Variants in PTPRD observed in about 807,000 individuals in gnomAD.
The protein encoded by PTPRD is protein tyrosine phosphatase receptor type D, also known as receptor-type tyrosine-protein phosphatase delta.
In PTPRD, 34 loss-of-function variants were observed where a neutral mutation model predicts 214.5. That is an observed-to-expected ratio of 0.16 (90% CI 0.12 to 0.21). PTPRD has a LOEUF of 0.21. Ranked by LOEUF, PTPRD falls within the 10% of genes least tolerant of loss-of-function variation. The probability of loss-of-function intolerance (pLI) is 1.00; values close to 1 mark genes in which losing one functional copy is unlikely to be tolerated. For missense variants in PTPRD, 2,545 were observed against 2,398.7 expected (o/e 1.06, Z -1.27); for synonymous variants, 1,128 against 845.7 (o/e 1.33, Z -5.79).
chr9:10,519,257 CAAAAAAAAA>C (rs35808416), intron 2 of PTPRD, among the ~76,000 whole-genome samples: 1 of 71,464 alleles, frequency 1.4e-5, no homozygotes, highest in African/African-American at 5.8e-5. Flanking sequence ...ATTTCCTCCA[CAAAAAAAAA>C]AAAAAAAAAA....
chr9:10,279,105 T>G (rs953438743), intron 3 of PTPRD, among the ~76,000 whole-genome samples: 6 of 152,080 alleles, frequency 3.9e-5, no homozygotes, highest in African/African-American at 1.4e-4. Flanking sequence ...AACGGAACTC[T>G]GCCTCAATCC....
intron 9 of PTPRD, among the ~76,000 whole-genome samples, chr9:9,294,741 A>T (rs1351926297): frequency 6.6e-6 from 1 of 151,688 alleles, no homozygotes; most frequent in Non-Finnish European, 1.5e-5. Context: ...CAGAAATATG[A>T]CAAAATGAAT....
chr9:9,548,235 T>C (rs1318979958), intron 8 of PTPRD, among the ~76,000 whole-genome samples: 2 of 151,322 alleles, frequency 1.3e-5, no homozygotes, highest in Non-Finnish European at 2.9e-5. Context: ...TAAAAGTGAC[T>C]AATAGAAGAT....
Position 10,107,205 on chromosome 9 carries a change from C to T in PTPRD, c.-544-73415G>A, listed in dbSNP as rs80160381. On this transcript the variant is annotated intron_variant, in intron 3 of 45. Coordinates refer to ENST00000381196, the MANE Select transcript of PTPRD (RefSeq NM_002839.4). ...CAGATGGAAACGGTAAATGAAATAC[C>T]GGTCAGAGATGGATATGCACACACA... Among the ~76,000 whole-genome samples, 1,073 of 151,872 alleles carry T rather than the reference C, an allele frequency of 7.1e-3. 10 individuals carry two copies. Among genetic ancestry groups the T allele is most frequent in the African/African-American group, 0.025 (1,017 of 41,456 alleles).
intron 3 of PTPRD, among the ~76,000 whole-genome samples, chr9:10,064,134 C>G (rs1214128880): frequency 6.6e-6 from 1 of 151,120 alleles, no homozygotes; most frequent in South Asian, 2.1e-4. Context: ...TTTTTTTTCA[C>G]TTTTTCTGTC....
rs556306818 is a variant in PTPRD, at chr9:10,237,396, GT to G, written c.-545+103566del. 2.6e-5 allele frequency among the ~76,000 whole-genome samples: 4 copies of G among 151,850 alleles called. No individual in the cohort carries two copies. In the South Asian group the frequency reaches 8.3e-4, roughly 32 times the overall value. On this transcript the variant is annotated intron_variant, in intron 3 of 45. Transcript: ENST00000381196. ...GATAAGTGTGCATTTTTCAAGTCTG[GT>G]AGTTCTTCATTAACCCTAGGGAAGT...
intron 10 of PTPRD, among the ~76,000 whole-genome samples, chr9:9,172,508 T>A (rs1004776652): frequency 6.6e-6 from 1 of 152,168 alleles, no homozygotes; most frequent in East Asian, 1.9e-4. Flanking sequence ...TTAAGCAGCA[T>A]TATCTCGGGC....
chr9:9,544,536 G>T (rs977333002), intron 8 of PTPRD, among the ~76,000 whole-genome samples: 1 of 151,548 alleles, frequency 6.6e-6, no homozygotes, highest in Non-Finnish European at 1.5e-5. Flanking sequence ...AGCAGTTTGA[G>T]AACATCTCTC....
At chr9:9,257,122 C>A (rs1007102688) in intron 9 of PTPRD, among the ~76,000 whole-genome samples, 1 of 151,940 alleles carries the variant, frequency 6.6e-6, no homozygotes, top group East Asian at 2.0e-4. Context: ...ACTGAAAGGG[C>A]ACCTAGAGAT....
chr9:9,015,616 T>C (rs2099531587), intron 11 of PTPRD, among the ~76,000 whole-genome samples: 1 of 152,200 alleles, frequency 6.6e-6, no homozygotes, highest in Non-Finnish European at 1.5e-5. Context: ...GTTTTCACTT[T>C]ACTCTATGGA....
chr9:9,040,472 A>G lies in PTPRD; in HGVS notation c.-142-21737T>C, dbSNP rs142597525. On this transcript the variant is annotated intron_variant, in intron 10 of 45. Transcript: ENST00000381196. ...TTTAAAACAAATTCTGCACATTTATATTGGAGTGTAGAATCTTAGCCAACT... is the reference window on the plus strand; with the variant it reads ...TTTAAAACAAATTCTGCACATTTATGTTGGAGTGTAGAATCTTAGCCAACT... 1.6e-3 allele frequency among the ~76,000 whole-genome samples: 239 copies of G among 152,288 alleles called. 1 individual carries two copies. In the Middle Eastern group the frequency reaches 0.017, roughly 11 times the overall value.
rs560713423 is a variant in PTPRD at position 9,810,505 on chromosome 9, G to T, written c.-367-43654C>A. Among the ~76,000 whole-genome samples the T allele has an allele frequency of 3.3e-5, 5 of 151,770 alleles. No homozygotes were observed. In the East Asian group the frequency reaches 7.8e-4, roughly 24 times the overall value. On this transcript the variant is annotated intron_variant, in intron 5 of 45. Coordinates refer to ENST00000381196, the MANE Select transcript of PTPRD (RefSeq NM_002839.4). ...TTAATAATTATGTTAAATCTACTCT[G>T]TCGGTGCTCTAGAAATAAAACAACA... is the stretch of plus-strand genomic sequence containing the variant.
intron 9 of PTPRD, among the ~76,000 whole-genome samples, chr9:9,245,027 C>G (rs1282391940): frequency 6.6e-6 from 1 of 152,086 alleles, no homozygotes; most frequent in Non-Finnish European, 1.5e-5. Context: ...CCAACAGATA[C>G]AAGAAAAAAT....
At chr9:8,598,476 A>G (rs1219615520) in intron 14 of PTPRD, among the ~76,000 whole-genome samples, 1 of 152,062 alleles carries the variant, frequency 6.6e-6, no homozygotes, top group Non-Finnish European at 1.5e-5. Context: ...TAAAATAAAT[A>G]AATAAATAAA....
intron 33 of PTPRD, among the ~76,000 whole-genome samples, chr9:8,454,235 A>G (rs2096084576): frequency 6.6e-6 from 1 of 152,220 alleles, no homozygotes; most frequent in Non-Finnish European, 1.5e-5. Flanking sequence ...AAACAAAACA[A>G]AACAAAACAG....
chr9:9,414,685 T>A (rs2076494813), intron 8 of PTPRD: 1 of 152,148 alleles, frequency 6.6e-6, no homozygotes, highest in African/African-American at 2.4e-5. Flanking sequence ...ACAGGACAAT[T>A]TACCCTCAAG....
At chr9:8,947,368 C>G (rs954893494) in intron 11 of PTPRD, among the ~76,000 whole-genome samples, 5 of 148,016 alleles carry the variant, frequency 3.4e-5, no homozygotes, top group African/African-American at 1.2e-4. Flanking sequence ...GAGACTGAGG[C>G]AGGAGAATCT....
chr9:8,858,417 C>T (rs2098002933), intron 11 of PTPRD: 1 of 152,270 alleles, frequency 6.6e-6, no homozygotes, highest in South Asian at 2.1e-4. Flanking sequence ...GGTGGGGTGG[C>T]CGGTGCAGCC....
At chr9:10,482,495 C>T (rs1000561418) in intron 2 of PTPRD, among the ~76,000 whole-genome samples, 8 of 128,598 alleles carry the variant, frequency 6.2e-5, no homozygotes, top group African/African-American at 2.3e-4. Flanking sequence ...ATCTATTTGC[C>T]AATGATATGA....
Sources: gnomAD v4.1 joint callset for allele counts (sites outside exome capture counted in the v4.1 genomes callset) on GRCh38, gnomAD v4.1.1 for gene constraint, MANE v1.5 for transcripts, NCBI Gene and HGNC (gene_info 2026-07-23, HGNC 2026-07-21) for gene names.